Variants in ABCC4 observed in about 807,000 individuals in gnomAD.
The protein encoded by ABCC4 is ATP binding cassette subfamily C member 4 (PEL blood group), also known as ATP-binding cassette sub-family C member 4.
Under a neutral mutation model 168.5 loss-of-function variants are expected in ABCC4, and 102 were observed. That is an observed-to-expected ratio of 0.61 (90% CI 0.52 to 0.71). ABCC4 has a LOEUF of 0.71. Ranked by LOEUF, ABCC4 falls within the 30% of genes least tolerant of loss-of-function variation. The pLI is 0.00. For missense variants in ABCC4, 1,402 were observed against 1,605.8 expected, an observed-to-expected ratio of 0.87 and a Z score of 2.17; for synonymous variants, 617 against 590.7, an observed-to-expected ratio of 1.04 and a Z score of -0.65.
intron 21 of ABCC4, 28 bp downstream of exon 21, chr13:95,083,112 C>G (rs200780069): frequency 6.2e-7 from 1 of 1,611,328 alleles, no homozygotes; most frequent in East Asian, 2.2e-5. Flanking sequence ...GCTAGCATGT[C>G]TATACCAACC....
intron 22 of ABCC4, 144 bp downstream of exon 22, chr13:95,075,288 G>T: frequency 1.9e-6 from 2 of 1,048,042 alleles, no homozygotes; most frequent in Non-Finnish European, 2.8e-6. Flanking sequence ...AAGGGGATGG[G>T]GAAGGAGACG....
intron 20 of ABCC4, among the ~76,000 whole-genome samples, chr13:95,105,869 T>C (rs991888809): frequency 2.0e-5 from 3 of 152,156 alleles, no homozygotes; most frequent in African/African-American, 7.2e-5. Flanking sequence ...CTTTTTCAGG[T>C]GACCGCAAAG....
chr13:95,201,835 T>C (rs1167839672), intron 8 of ABCC4, among the ~76,000 whole-genome samples: 1 of 152,130 alleles, frequency 6.6e-6, no homozygotes, highest in Non-Finnish European at 1.5e-5. Flanking sequence ...TAGCTGGACA[T>C]GGTGGCTCAC....
At chr13:95,062,165 T>C (rs1443198662) in intron 26 of ABCC4, among the ~76,000 whole-genome samples, 1 of 152,146 alleles carries the variant, frequency 6.6e-6, no homozygotes, top group Non-Finnish European at 1.5e-5. Context: ...ATGTTCTTCC[T>C]TGCTATTCTT....
intron 20 of ABCC4, among the ~76,000 whole-genome samples, chr13:95,088,705 A>G (rs2034335603): frequency 6.6e-6 from 1 of 152,120 alleles, no homozygotes; most frequent in South Asian, 2.1e-4. Context: ...CAGGACTGCA[A>G]CTAATGCTGT....
intron 27 of ABCC4, among the ~76,000 whole-genome samples, chr13:95,050,530 A>G (rs1594010087): frequency 6.6e-6 from 1 of 152,350 alleles, no homozygotes; most frequent in South Asian, 2.1e-4. Context: ...GTCAGGTGTC[A>G]GAATATAAGA....
chr13:95,186,739 G>A lies in ABCC4; in HGVS notation c.1507C>T (p.Arg503Ter), dbSNP rs1036187257. The stretch of plus-strand genomic sequence containing the variant: ...CAAGCCTTTATGACTTTTTCATATC[G>A]TTCCTTTTCGTATTTCTTCCCAAAT... ...ILFGKKYEKE[R>*]YEKVIKACAL... The change falls in exon 11 of 31, where the codon CGA (arginine) becomes TGA (stop). Residue 503 changes from arginine to a stop codon, truncating the protein, a stop_gained. Transcript: ENST00000645237. LOFTEE classifies it high-confidence loss of function. 10 of 1,613,642 alleles carry A rather than the reference G, an allele frequency of 6.2e-6. No homozygotes were observed. Among genetic ancestry groups the A allele is most frequent in the Non-Finnish European group, 8.5e-6 (10 of 1,179,830 alleles).
In ABCC4 at chr13:95,240,246, A is replaced by AG. The variant is rs771082703; in HGVS notation, c.307-5413dup. 2.9e-4 allele frequency among the ~76,000 whole-genome samples: 44 copies of AG among 152,374 alleles called. 1 individual carries two copies. The highest frequency in any genetic ancestry group is 6.8e-3 in the Middle Eastern group (2 of 294). On this transcript the variant is annotated intron_variant, in intron 3 of 30. Transcript: ENST00000645237. ...GGCAAACAACACGGTTTCTTCAATT[A>AG]GAAAGTACACACGCGGCTGGGCGCG...
intron 26 of ABCC4, among the ~76,000 whole-genome samples, chr13:95,054,377 G>C (rs1191996586): frequency 1.3e-5 from 2 of 151,838 alleles, no homozygotes; most frequent in Non-Finnish European, 2.9e-5. Context: ...GCTTAGGTAG[G>C]CTGTGTGAAA....
chr13:95,072,079 G>A (rs2033745564), intron 24 of ABCC4, among the ~76,000 whole-genome samples: 1 of 152,186 alleles, frequency 6.6e-6, no homozygotes, highest in Admixed American at 6.5e-5. Flanking sequence ...AGAAATGAAT[G>A]CTTAGATTTT....
At chr13:95,161,075 G>T in intron 19 of ABCC4, 114 bp downstream of exon 19, 1 of 578,850 alleles carries the variant, frequency 1.7e-6, no homozygotes, top group Non-Finnish European at 2.3e-6. Context: ...GAATCAACAT[G>T]CATAGTGATT....
intron 30 of ABCC4, among the ~76,000 whole-genome samples, chr13:95,030,212 G>A (rs1181583346): frequency 6.6e-6 from 1 of 152,008 alleles, no homozygotes; most frequent in African/African-American, 2.4e-5. Context: ...GTAGAGACAG[G>A]GTTTCACCAT....
chr13:95,224,521 G>A (rs7330776), intron 4 of ABCC4, among the ~76,000 whole-genome samples: 21,960 of 152,166 alleles, frequency 0.14, 1,940 homozygotes, highest in East Asian at 0.32. Context: ...CAGATCACTT[G>A]AGGTCAGGAG....
At position 95,209,544 on chromosome 13, in the gene ABCC4, CACTG is replaced by C. The variant is rs773310016; in HGVS notation, c.671_674del (p.Ala224GlyfsTer9). ...CTATCTCCATCCAGAGTAGGGCAGT[CACTG>C]CAATCGCCTGCAGTGGTCCTGCCCA... On this transcript the variant is annotated frameshift_variant, in exon 6 of 31. Transcript: ENST00000645237. LOFTEE classifies it high-confidence loss of function. 2 of 1,614,046 alleles carry C rather than the reference CACTG, an allele frequency of 1.2e-6. No homozygotes were observed. Among genetic ancestry groups the C allele is most frequent in the East Asian group, 4.5e-5 (2 of 44,906 alleles).
intron 27 of ABCC4, among the ~76,000 whole-genome samples, chr13:95,049,921 A>C (rs1219298586): frequency 6.6e-6 from 1 of 152,166 alleles, no homozygotes; most frequent in Non-Finnish European, 1.5e-5. Context: ...TTGGGTTCCC[A>C]TTTCCAGTTT....
intron 20 of ABCC4, among the ~76,000 whole-genome samples, chr13:95,094,791 T>C (rs2034539412): frequency 6.6e-6 from 1 of 150,568 alleles, no homozygotes; most frequent in Admixed American, 6.7e-5. Context: ...AGGAGTAATA[T>C]CCAGAGTCTA....
chr13:95,283,235 T>C (rs1045267809), intron 1 of ABCC4, among the ~76,000 whole-genome samples: 1 of 151,538 alleles, frequency 6.6e-6, no homozygotes, highest in Non-Finnish European at 1.5e-5. Context: ...AAAAAAAGTT[T>C]AAAAACTGGT....
Position 95,115,987 on chromosome 13 carries a change from G to C in ABCC4, c.2470C>G (p.Arg824Gly). ...AAGTGTCCAATGTCTTTGGAGAAACGATTTAAAATTCTTCCTGCAAGAACA... is the reference window on the plus strand; with the variant it reads ...AAGTGTCCAATGTCTTTGGAGAAACCATTTAAAATTCTTCCTGCAAGAACA... ...DRNPIGRILN[R>G]FSKDIGHLDD... Residue 824 changes from arginine to glycine, a missense_variant, in exon 20 of 31, where the codon CGT (arginine) becomes GGT (glycine). Arg to Gly is a moderately radical substitution (Grantham distance 125). Transcript: ENST00000645237. 6.2e-7 allele frequency: 1 copy of C among 1,611,638 alleles called. No individual in the cohort carries two copies. Among genetic ancestry groups the C allele is most frequent in the South Asian group, 1.1e-5 (1 of 90,342 alleles).
chr13:95,205,314 A>G (rs2038749251), intron 8 of ABCC4, among the ~76,000 whole-genome samples: 1 of 152,178 alleles, frequency 6.6e-6, no homozygotes, highest in Non-Finnish European at 1.5e-5. Flanking sequence ...CTTAGCTTTT[A>G]TGACAACACC....
Sources: gnomAD v4.1 joint callset for allele counts (sites outside exome capture counted in the v4.1 genomes callset) on GRCh38, gnomAD v4.1.1 for gene constraint, MANE v1.5 for transcripts, NCBI Gene and HGNC (gene_info 2026-07-23, HGNC 2026-07-21) for gene names.